The following METTL15 variants were observed in gnomAD, a reference collection of about 807,000 sequenced individuals.
METTL15 encodes the protein methyltransferase 15, mitochondrial 12S rRNA N4-cytidine, also known as 12S rRNA N(4)-cytidine methyltransferase METTL15.
Under a neutral mutation model 38.3 loss-of-function variants are expected in METTL15, and 34 were observed. The observed-to-expected ratio is 0.89, with a 90% CI of 0.68 to 1.18. METTL15 has a LOEUF of 1.18. Ranked by LOEUF, METTL15 falls within the 50% of genes most tolerant of loss-of-function variation. The pLI, the probability that METTL15 is intolerant of heterozygous loss-of-function variation, is 0.00. For synonymous variants in METTL15, 162 were observed against 170.9 expected (o/e 0.95, Z 0.41); for missense variants, 438 against 498.4 (o/e 0.88, Z 1.15).
intron 3 of METTL15, among the ~76,000 whole-genome samples, chr11:28,142,116 A>C (rs1477587543): frequency 1.3e-5 from 2 of 152,246 alleles, no homozygotes; most frequent in Non-Finnish European, 2.9e-5. Context: ...ATGTCAAAAA[A>C]CAAAATGAAA....
chr11:28,485,713 G>T (rs1038408971), intron 6 of METTL15, among the ~76,000 whole-genome samples: 1 of 152,166 alleles, frequency 6.6e-6, no homozygotes, highest in Non-Finnish European at 1.5e-5. Context: ...TTACAACAGT[G>T]TCTTAACCAT....
chr11:28,340,546 A>G (rs1849941466), intron 3 of METTL15, among the ~76,000 whole-genome samples: 1 of 152,202 alleles, frequency 6.6e-6, no homozygotes, highest in South Asian at 2.1e-4. Flanking sequence ...GAAGACGTTT[A>G]TGTGGCCAAC....
At chr11:28,165,484 A>T (rs1850626680) in intron 3 of METTL15, among the ~76,000 whole-genome samples, 1 of 152,202 alleles carries the variant, frequency 6.6e-6, no homozygotes, top group African/African-American at 2.4e-5. Flanking sequence ...CTTTTGAGAA[A>T]TATCTGTTCA....
chr11:28,316,732 T>C (rs1857494646), intron 6 of METTL15, among the ~76,000 whole-genome samples: 1 of 152,094 alleles, frequency 6.6e-6, no homozygotes, highest in African/African-American at 2.4e-5. Context: ...TGGGGGTGGG[T>C]CTTTCCCGTT....
intron 5 of METTL15, among the ~76,000 whole-genome samples, chr11:28,409,090 T>C (rs1026151323): frequency 2.6e-5 from 4 of 152,058 alleles, no homozygotes; most frequent in African/African-American, 9.7e-5. Context: ...ATTTTAAGAA[T>C]ATTTAAATCG....
chr11:28,330,989 AC>A lies in METTL15; in HGVS notation c.*149del. The A allele has an allele frequency of 1.7e-6, 1 of 588,506 alleles. No homozygotes were observed. The highest frequency in any genetic ancestry group is 3.0e-6 in the Non-Finnish European group (1 of 338,946). The allele number at this position is 588,506 out of a possible 1,614,324, so 36.5% of individuals were successfully genotyped here. A position where few individuals can be genotyped will look rare whatever the true frequency, so the allele number is the denominator to read the frequency against. ...AGCATTTCTTTTTTCTCAAAAAGAA[AC>A]TGTAGGAAATACATGACAGAGAAAG... On this transcript the variant is annotated 3_prime_UTR_variant, in exon 7 of 7. Coordinates refer to ENST00000407364, the MANE Select transcript of METTL15 (RefSeq NM_001113528.2).
At chr11:28,206,469 C>A (rs1185878768) in intron 3 of METTL15, among the ~76,000 whole-genome samples, 2 of 151,922 alleles carry the variant, frequency 1.3e-5, no homozygotes, top group African/African-American at 2.4e-5. Flanking sequence ...TGGTCTATAT[C>A]TCTGTTTTGG....
intron 3 of METTL15, among the ~76,000 whole-genome samples, chr11:28,130,313 A>G (rs1259046432): frequency 6.6e-6 from 1 of 152,106 alleles, no homozygotes; most frequent in Non-Finnish European, 1.5e-5. Flanking sequence ...CTGGTCTCAA[A>G]AAACCAACAA....
At chr11:28,486,403 T>C (rs1238080006) in intron 6 of METTL15, among the ~76,000 whole-genome samples, 7 of 152,000 alleles carry the variant, frequency 4.6e-5, no homozygotes, top group Non-Finnish European at 7.4e-5. Context: ...TTTTTTTTTT[T>C]CTCTGCCTCT....
intron 3 of METTL15, among the ~76,000 whole-genome samples, chr11:28,205,062 C>T (rs1031592329): frequency 6.6e-6 from 1 of 151,650 alleles, no homozygotes; most frequent in Non-Finnish European, 1.5e-5. Context: ...CTTTGTTAAC[C>T]ACAAAAATTG....
intron 6 of METTL15, among the ~76,000 whole-genome samples, chr11:28,484,552 T>C (rs1851422393): frequency 1.3e-5 from 2 of 152,172 alleles, no homozygotes. Context: ...GCAGTCTCTA[T>C]ATAGGCCATC....
intron 6 of METTL15, among the ~76,000 whole-genome samples, chr11:28,463,625 A>G (rs904557857): frequency 6.6e-6 from 1 of 152,176 alleles, no homozygotes; most frequent in Non-Finnish European, 1.5e-5. Flanking sequence ...TCTTATGCAG[A>G]TAACGACTCC....
chr11:28,224,715 A>T (rs1385452376), intron 4 of METTL15, among the ~76,000 whole-genome samples: 1 of 151,770 alleles, frequency 6.6e-6, no homozygotes. Context: ...ATATACTCTT[A>T]TCTATATTCA....
At chr11:28,295,345 A>G (rs761492493) in intron 5 of METTL15, among the ~76,000 whole-genome samples, 3 of 152,158 alleles carry the variant, frequency 2.0e-5, no homozygotes, top group African/African-American at 2.4e-5. Context: ...ATCCAGATCA[A>G]TTGAACTCCA....
intron 5 of METTL15, among the ~76,000 whole-genome samples, chr11:28,374,665 C>T (rs1430268243): frequency 1.3e-5 from 2 of 149,834 alleles, no homozygotes; most frequent in Non-Finnish European, 3.0e-5. Context: ...ATTTCCTTCT[C>T]CTGCCTAATT....
At chr11:28,378,105 T>C (rs1050185153) in intron 5 of METTL15, among the ~76,000 whole-genome samples, 9 of 152,048 alleles carry the variant, frequency 5.9e-5, no homozygotes, top group African/African-American at 2.2e-4. Context: ...ACTGCTGTCT[T>C]TTTGTTTGTC....
rs750185066 is a variant in METTL15, at chr11:28,402,862, T to C, written c.*359-21437T>C. ...CCTTCTCAGCCTCCTGAGTCTCCAA[T>C]GTTTGTCATTCCACTCTCTATGTCT... is the stretch of plus-strand genomic sequence containing the variant. On this transcript the variant is annotated intron_variant and NMD_transcript_variant, in intron 5 of 7. Coordinates refer to the METTL15 transcript ENST00000532947. Among the ~76,000 whole-genome samples, 7 of 151,966 alleles carry C rather than the reference T, an allele frequency of 4.6e-5. No individual in the cohort carries two copies. In the South Asian group the frequency reaches 1.2e-3, roughly 27 times the overall value.
chr11:28,437,913 A>G (rs1850996957), intron 6 of METTL15, among the ~76,000 whole-genome samples: 1 of 152,232 alleles, frequency 6.6e-6, no homozygotes, highest in South Asian at 2.1e-4. Context: ...CCAAATTTCT[A>G]CCAAACAAGG....
chr11:28,238,333 G>A (rs1164234681), intron 4 of METTL15, among the ~76,000 whole-genome samples: 1 of 152,158 alleles, frequency 6.6e-6, no homozygotes, highest in African/African-American at 2.4e-5. Context: ...CCCCAGCCTG[G>A]CTGCCGCCTT....
Sources: gnomAD v4.1 joint callset for allele counts (sites outside exome capture counted in the v4.1 genomes callset) on GRCh38, gnomAD v4.1.1 for gene constraint, MANE v1.5 for transcripts, NCBI Gene and HGNC (gene_info 2026-07-23, HGNC 2026-07-21) for gene names.